The following EFNA5 variants were observed in gnomAD, a reference collection of about 807,000 sequenced individuals.
EFNA5 encodes ephrin A5.
Under a neutral mutation model 22.9 loss-of-function variants are expected in EFNA5, and 5 were observed. The observed-to-expected ratio is 0.22, with a 90% confidence interval of 0.11 to 0.46. The LOEUF (loss-of-function observed/expected upper bound fraction) is 0.46, where lower values mean the gene tolerates loss of function less well. Among genes scored for constraint, EFNA5 ranks in the 20% least tolerant of loss-of-function variants. EFNA5 has a pLI of 0.99. For missense variants in EFNA5, 237 were observed against 293.3 expected (o/e 0.81, Z 1.40); for synonymous variants, 113 against 112.2 (o/e 1.01, Z -0.04).
chr5:107,465,797 G>A (rs1033099397), intron 1 of EFNA5, among the ~76,000 whole-genome samples: 1 of 151,806 alleles, frequency 6.6e-6, no homozygotes. Context: ...GGAGAAAAAG[G>A]CCCCTCACAA....
chr5:107,583,145 A>G (rs1749104759), intron 1 of EFNA5, among the ~76,000 whole-genome samples: 1 of 152,332 alleles, frequency 6.6e-6, no homozygotes, highest in African/African-American at 2.4e-5. Flanking sequence ...CAAGGATCTC[A>G]TAACTAAATA....
chr5:107,642,833 G>C (rs1750555188), intron 1 of EFNA5, among the ~76,000 whole-genome samples: 1 of 151,892 alleles, frequency 6.6e-6, no homozygotes, highest in South Asian at 2.1e-4. Context: ...GAGTTCCATG[G>C]TGGAGAGTAG....
intron 1 of EFNA5, among the ~76,000 whole-genome samples, chr5:107,591,924 A>G (rs376406471): frequency 1.1e-4 from 1 of 9,372 alleles, no homozygotes; most frequent in African/African-American, 6.3e-4. Flanking sequence ...AAATATATAT[A>G]TAATATATAA....
At chr5:107,497,128 C>T (rs1391301915) in intron 1 of EFNA5, among the ~76,000 whole-genome samples, 4 of 152,116 alleles carry the variant, frequency 2.6e-5, no homozygotes, top group South Asian at 2.1e-4. Flanking sequence ...CATGGTATCG[C>T]GAGCAAAGCA....
chr5:107,474,406 A>G (rs1326244348), intron 1 of EFNA5, among the ~76,000 whole-genome samples: 1 of 152,088 alleles, frequency 6.6e-6, no homozygotes, highest in African/African-American at 2.4e-5. Context: ...AGAAATGGTC[A>G]TCAGCACTGA....
intron 1 of EFNA5, among the ~76,000 whole-genome samples, chr5:107,669,389 C>T (rs1487028451): frequency 6.6e-6 from 1 of 152,052 alleles, no homozygotes; most frequent in Non-Finnish European, 1.5e-5. Flanking sequence ...CCGAGACCGG[C>T]ACACAGCTGG....
chr5:107,616,678 G>C (rs942898245), intron 1 of EFNA5, among the ~76,000 whole-genome samples: 1 of 152,152 alleles, frequency 6.6e-6, no homozygotes, highest in Admixed American at 6.6e-5. Flanking sequence ...GTTGCTAGTA[G>C]AAAGTATCCT....
chr5:107,614,386 T>C (rs1749874339), intron 1 of EFNA5, among the ~76,000 whole-genome samples: 1 of 152,184 alleles, frequency 6.6e-6, no homozygotes, highest in Admixed American at 6.5e-5. Context: ...TTAAAGAATG[T>C]CAAATCATAT....
In EFNA5 at chr5:107,527,448, A is replaced by G. The variant is rs549453134; in HGVS notation, c.126-99939T>C. 2.0e-5 allele frequency among the ~76,000 whole-genome samples: 3 copies of G among 151,964 alleles called. No homozygotes were observed. The South Asian group carries it at 6.2e-4, about 32-fold the overall frequency. On this transcript the variant is annotated intron_variant, in intron 1 of 4. Transcript: ENST00000333274. ...ACTACAGGCATATGCCACCATGCCC[A>G]GCTAATTTTTGTATTTTTAGTAGAG...
At chr5:107,414,829 AAC>A (rs1748461655) in intron 2 of EFNA5, among the ~76,000 whole-genome samples, 6 of 152,298 alleles carry the variant, frequency 3.9e-5, no homozygotes, top group Admixed American at 3.3e-4. Flanking sequence ...ATATCATAAA[AAC>A]TCATGCAAAA....
chr5:107,639,375 C>T (rs990777838), intron 1 of EFNA5, among the ~76,000 whole-genome samples: 7 of 152,332 alleles, frequency 4.6e-5, no homozygotes, highest in East Asian at 1.9e-4. Context: ...CCAACTTCCA[C>T]GGTTCATAAT....
At chr5:107,512,381 ACAAC>A (rs1363207275) in intron 1 of EFNA5, among the ~76,000 whole-genome samples, 6 of 152,178 alleles carry the variant, frequency 3.9e-5, no homozygotes, top group African/African-American at 1.4e-4. Flanking sequence ...AACAACAACA[ACAAC>A]AACAAAAAAC....
chr5:107,450,064 A>G (rs1749517447), intron 1 of EFNA5, among the ~76,000 whole-genome samples: 1 of 152,168 alleles, frequency 6.6e-6, no homozygotes, highest in African/African-American at 2.4e-5. Context: ...CTTGCAAACG[A>G]TGGGTTATTT....
At chr5:107,633,103 T>G (rs113552230) in intron 1 of EFNA5, among the ~76,000 whole-genome samples, 2 of 152,256 alleles carry the variant, frequency 1.3e-5, no homozygotes, top group African/African-American at 4.8e-5. Context: ...ATTGAGGTCA[T>G]TTTTTAAAAT....
chr5:107,449,994 T>C (rs2112445122), intron 1 of EFNA5, among the ~76,000 whole-genome samples: 1 of 152,262 alleles, frequency 6.6e-6, no homozygotes, highest in Admixed American at 6.5e-5. Context: ...GACATAAATG[T>C]TTTTGTTGTT....
intron 1 of EFNA5, among the ~76,000 whole-genome samples, chr5:107,517,489 C>T (rs975111210): frequency 6.6e-6 from 1 of 152,140 alleles, no homozygotes; most frequent in Non-Finnish European, 1.5e-5. Flanking sequence ...TGACCTCATA[C>T]GGTTGTTGTG....
intron 1 of EFNA5, among the ~76,000 whole-genome samples, chr5:107,457,287 T>C (rs1247281565): frequency 1.3e-5 from 2 of 152,096 alleles, no homozygotes; most frequent in South Asian, 2.1e-4. Flanking sequence ...CTGCACTCCA[T>C]AGAGGTGGTA....
chr5:107,582,922 T>G (rs1042850625), intron 1 of EFNA5, among the ~76,000 whole-genome samples: 2 of 152,140 alleles, frequency 1.3e-5, no homozygotes, highest in Non-Finnish European at 2.9e-5. Flanking sequence ...TATAATCTAG[T>G]TAGTAGGATT....
chr5:107,580,789 A>G (rs574785464), intron 1 of EFNA5, among the ~76,000 whole-genome samples: 4 of 152,234 alleles, frequency 2.6e-5, no homozygotes, highest in African/African-American at 9.6e-5. Flanking sequence ...CACCACAGAA[A>G]AATAAGCATG....
Sources: allele counts gnomAD v4.1 joint callset (sites outside exome capture counted in the v4.1 genomes callset), GRCh38; gene constraint gnomAD v4.1.1; transcripts MANE v1.5; gene names NCBI Gene and HGNC (gene_info 2026-07-23, HGNC 2026-07-21).